Variants in TOM1L1 observed in about 807,000 individuals in gnomAD.
The protein encoded by TOM1L1 is target of myb1 like 1 membrane trafficking protein, also known as TOM1-like protein 1.
TOM1L1 carries 64 observed loss-of-function variants against 63.4 expected under a neutral mutation model. The ratio of observed to expected loss-of-function variants is 1.01; its 90% confidence interval spans 0.83 to 1.24. TOM1L1 has a LOEUF of 1.24. TOM1L1 is among the 50% of genes most tolerant of loss of function. The pLI, the probability that TOM1L1 is intolerant of heterozygous loss-of-function variation, is 0.00. For synonymous variants in TOM1L1, 166 were observed against 194.4 expected, an observed-to-expected ratio of 0.85 and a Z score of 1.22; for missense variants, 536 against 567.0, an observed-to-expected ratio of 0.95 and a Z score of 0.55.
intron 14 of TOM1L1, among the ~76,000 whole-genome samples, chr17:54,958,663 G>A (rs980664709): frequency 6.8e-6 from 1 of 146,804 alleles, no homozygotes; most frequent in Non-Finnish European, 1.5e-5. Context: ...CCAGGAGGTA[G>A]AGGCTGCAGT....
At chr17:54,934,016 C>T (rs899900336) in intron 8 of TOM1L1, among the ~76,000 whole-genome samples, 9 of 152,158 alleles carry the variant, frequency 5.9e-5, no homozygotes, top group African/African-American at 1.9e-4. Flanking sequence ...ACACAATTTA[C>T]GTGTGAGAAG....
chr17:54,950,320 A>G (rs1162159590), intron 14 of TOM1L1, among the ~76,000 whole-genome samples, 194 bp downstream of exon 14: 1 of 152,226 alleles, frequency 6.6e-6, no homozygotes, highest in Admixed American at 6.5e-5. Flanking sequence ...TGTGACTAAA[A>G]AATAAAAATG....
intron 8 of TOM1L1, among the ~76,000 whole-genome samples, chr17:54,935,917 G>A (rs2048937549): frequency 6.6e-6 from 1 of 152,138 alleles, no homozygotes; most frequent in Admixed American, 6.6e-5. Context: ...GAGGTCGGGA[G>A]TTCGAAACCA....
chr17:54,947,421 G>A, intron 12 of TOM1L1, 109 bp downstream of exon 12: 2 of 1,250,904 alleles, frequency 1.6e-6, no homozygotes, highest in Non-Finnish European at 2.3e-6. Flanking sequence ...TTGTGTTGAT[G>A]CGCAGCCCCT....
intron 7 of TOM1L1, among the ~76,000 whole-genome samples, chr17:54,917,689 G>A (rs2048614464): frequency 6.6e-6 from 1 of 152,012 alleles, no homozygotes; most frequent in South Asian, 2.1e-4. Flanking sequence ...ATTGCTGATA[G>A]TGAGCTCATT....
Position 54,961,223 on chromosome 17 carries a change from TC to T in TOM1L1, c.*2-11del. 1 of 1,505,184 alleles carries T rather than the reference TC, an allele frequency of 6.6e-7. No homozygotes were observed. Among genetic ancestry groups the T allele is most frequent in the Non-Finnish European group, 9.1e-7 (1 of 1,104,542 alleles). The allele number at this position is 1,505,184 out of a possible 1,614,324, so 93.2% of individuals were successfully genotyped here. On this transcript the variant is annotated splice_polypyrimidine_tract_variant and intron_variant, in intron 15 of 15. Coordinates refer to ENST00000575882, the MANE Select transcript of TOM1L1 (RefSeq NM_005486.3). Reference sequence around the variant, plus strand: ...AGGATGAATACTGGCCATTTTCTTCTCTTTATTTTAGAAGAAAGTGGATGAT... The same window carrying T: ...AGGATGAATACTGGCCATTTTCTTCTTTTATTTTAGAAGAAAGTGGATGAT...
In TOM1L1 at chr17:54,930,129, G is replaced by C. The variant is rs373776855; in HGVS notation, c.777G>C (p.Val259=). Reference sequence around the variant, plus strand: ...AGAGGATCATGGACCTGCTTGTGGTGGTGGAGAACGAAGATGTAACTGTTG... The same window carrying C: ...AGAGGATCATGGACCTGCTTGTGGTCGTGGAGAACGAAGATGTAACTGTTG... ...MQERIMDLLV[V]VENEDVTVEL... Residue 259 remains valine, a synonymous_variant, in exon 8 of 16, where the codon GTG becomes GTC. Coordinates refer to ENST00000575882, the MANE Select transcript of TOM1L1 (RefSeq NM_005486.3). 3.1e-6 allele frequency: 5 copies of C among 1,613,966 alleles called. No individual in the cohort carries two copies. The highest frequency in any genetic ancestry group is 4.2e-6 in the Non-Finnish European group (5 of 1,180,010).
chr17:54,957,585 C>T (rs531345676), intron 14 of TOM1L1: 86 of 152,240 alleles, frequency 5.6e-4, no homozygotes, highest in African/African-American at 2.0e-3. Flanking sequence ...TGTGGTGGGT[C>T]TTTCTTTCTG....
chr17:54,933,711 C>T lies in TOM1L1; in HGVS notation c.855-2938C>T, dbSNP rs933731584. On this transcript the variant is annotated intron_variant, in intron 8 of 15. Coordinates refer to ENST00000575882, the MANE Select transcript of TOM1L1 (RefSeq NM_005486.3). ...CTAATTTTTGTATTTTTAGTAGAGA[C>T]GGGGTTTCACTATGTTGGCCAGGAT... 1.1e-4 allele frequency among the ~76,000 whole-genome samples: 16 copies of T among 152,176 alleles called. No individual in the cohort carries two copies. The East Asian group carries it at 1.2e-3, about 11-fold the overall frequency.
chr17:54,946,056 G>C (rs2049113187), intron 11 of TOM1L1, among the ~76,000 whole-genome samples: 1 of 152,156 alleles, frequency 6.6e-6, no homozygotes, highest in South Asian at 2.1e-4. Context: ...TCATTCCACA[G>C]TTTTAGCCTT....
At chr17:54,922,255 T>C (rs1477333511) in intron 7 of TOM1L1, among the ~76,000 whole-genome samples, 1 of 151,910 alleles carries the variant, frequency 6.6e-6, no homozygotes, top group Middle Eastern at 3.2e-3. Flanking sequence ...ATCAAGCCAC[T>C]GCACTCCAGC....
chr17:54,952,249 CAGAATT>C (rs1339853147), intron 14 of TOM1L1: 2 of 152,058 alleles, frequency 1.3e-5, no homozygotes, highest in East Asian at 3.9e-4. Context: ...ACTTCTCAAA[CAGAATT>C]AGAAGTATGG....
At chr17:54,941,234 T>C (rs1174672483) in intron 11 of TOM1L1, among the ~76,000 whole-genome samples, 1 of 152,256 alleles carries the variant, frequency 6.6e-6, no homozygotes, top group Non-Finnish European at 1.5e-5. Flanking sequence ...TTTAGATTTT[T>C]TAAAAAGTTT....
intron 8 of TOM1L1, among the ~76,000 whole-genome samples, chr17:54,933,887 A>G (rs919872051): frequency 1.3e-5 from 2 of 152,228 alleles, no homozygotes; most frequent in African/African-American, 4.8e-5. Flanking sequence ...TAAGATGTAC[A>G]TTGGTTCCAT....
rs2143766520 is a variant in TOM1L1 at position 54,911,935 on chromosome 17, C to T, written c.223-731C>T. Among the ~76,000 whole-genome samples, 3 of 152,294 alleles carry T rather than the reference C, an allele frequency of 2.0e-5. 1 individual carries two copies. Among genetic ancestry groups the T allele is most frequent in the Middle Eastern group, 6.8e-3 (2 of 294 alleles). Reference sequence around the variant, plus strand: ...CACCCTTTGCATGCCACACAAACTTCTCTACAACCTGGACGGACTTTATCC... The same window carrying T: ...CACCCTTTGCATGCCACACAAACTTTTCTACAACCTGGACGGACTTTATCC... On this transcript the variant is annotated intron_variant, in intron 3 of 15. Coordinates refer to ENST00000575882, the MANE Select transcript of TOM1L1 (RefSeq NM_005486.3).
At chr17:54,952,404 A>G (rs1385361240) in intron 14 of TOM1L1, 1 of 151,952 alleles carries the variant, frequency 6.6e-6, no homozygotes, top group East Asian at 1.9e-4. Context: ...AAAATTAGGC[A>G]GGTGTGGTGG....
At chr17:54,928,998 C>T (rs1349441646) in intron 7 of TOM1L1, among the ~76,000 whole-genome samples, 1 of 152,130 alleles carries the variant, frequency 6.6e-6, no homozygotes, top group African/African-American at 2.4e-5. Flanking sequence ...ATGAAGCATA[C>T]ATACATTTTT....
intron 6 of TOM1L1, among the ~76,000 whole-genome samples, chr17:54,915,040 T>C (rs1479340907): frequency 6.6e-6 from 1 of 152,240 alleles, no homozygotes; most frequent in Non-Finnish European, 1.5e-5. Flanking sequence ...CATCAGCTAA[T>C]TCCTGTTACT....
chr17:54,915,960 T>A (rs1263709322), intron 7 of TOM1L1, 98 bp downstream of exon 7: 4 of 699,554 alleles, frequency 5.7e-6, no homozygotes, highest in African/African-American at 1.8e-5. Flanking sequence ...TATTGTCTAG[T>A]ACATCCTCCT....
Sources: gnomAD v4.1 joint callset for allele counts (sites outside exome capture counted in the v4.1 genomes callset) on GRCh38, gnomAD v4.1.1 for gene constraint, MANE v1.5 for transcripts, NCBI Gene and HGNC (gene_info 2026-07-23, HGNC 2026-07-21) for gene names.